The following UNC79 variants were observed in gnomAD, a reference collection of about 807,000 sequenced individuals.
UNC79 encodes the protein unc-79 subunit of NALCN channel complex.
UNC79 carries 37 observed loss-of-function variants against 283.1 expected under a neutral mutation model. That is an observed-to-expected ratio of 0.13 (90% CI 0.10 to 0.17). The LOEUF (loss-of-function observed/expected upper bound fraction) is 0.17. UNC79 is among the 10% of genes least tolerant of loss of function. UNC79 has a pLI of 1.00. For synonymous variants in UNC79, 1,107 were observed against 1,200.2 expected (o/e 0.92, Z 1.61); for missense variants, 2,272 against 3,211.1 (o/e 0.71, Z 7.07).
In UNC79 at chr14:93,696,894, T is replaced by G. The variant is rs188942028; in HGVS notation, c.7548+2482T>G. Among the ~76,000 whole-genome samples, 111 of 152,348 alleles carry G rather than the reference T, an allele frequency of 7.3e-4. 1 individual carries two copies. The highest frequency in any genetic ancestry group is 2.6e-3 in the African/African-American group (107 of 41,588). On this transcript the variant is annotated intron_variant, in intron 47 of 48. Transcript: ENST00000555664. The stretch of plus-strand genomic sequence containing the variant: ...TGTTTTATTCTAAGTGTTATCTATG[T>G]TTTCACTTGGGTGTTAGTTTACATC...
rs779316871 is a variant in UNC79, at chr14:93,690,336, C to T, written c.7272+33C>T. On this transcript the variant is annotated intron_variant, in intron 45 of 48. Coordinates refer to ENST00000555664, the Ensembl canonical transcript of UNC79. This position sits in a 1 kb window ranked among gnomAD's most constrained non-coding sequence, Gnocchi z 4.3. ...ATTTCTGCAAGATTAAGACCGTATG[C>T]ATCGCAATTGCTAATGGAAACCTTA... The T allele has an allele frequency of 6.3e-7, 1 of 1,588,546 alleles. No homozygotes were observed. The highest frequency in any genetic ancestry group is 8.6e-7 in the Non-Finnish European group (1 of 1,165,206).
At chr14:93,389,862 A>G (rs373087949) in intron 1 of UNC79, among the ~76,000 whole-genome samples, 1 of 152,178 alleles carries the variant, frequency 6.6e-6, no homozygotes, top group Admixed American at 6.5e-5. Context: ...CATGTTGGCC[A>G]GGCTGGTCTT....
At chr14:93,411,777 A>C (rs938919250) in intron 1 of UNC79, among the ~76,000 whole-genome samples, 3 of 152,236 alleles carry the variant, frequency 2.0e-5, no homozygotes, top group Non-Finnish European at 4.4e-5. Flanking sequence ...AGATCACAAC[A>C]CTCAAGTCCT....
intron 1 of UNC79, among the ~76,000 whole-genome samples, chr14:93,367,180 CAAAAAT>C (rs926637325): frequency 2.0e-5 from 3 of 151,628 alleles, no homozygotes; most frequent in African/African-American, 4.9e-5. Context: ...ACATAGGAAG[CAAAAAT>C]AAAAATAATA....
chr14:93,392,401 A>C (rs1049887146), intron 1 of UNC79, among the ~76,000 whole-genome samples: 1 of 152,226 alleles, frequency 6.6e-6, no homozygotes, highest in African/African-American at 2.4e-5. Context: ...AGGGATACAT[A>C]CTTATGGGAA....
At chr14:93,483,520 CT>C (rs10712787) in intron 4 of UNC79, among the ~76,000 whole-genome samples, 46,397 of 140,252 alleles carry the variant, frequency 0.33, 7,357 homozygotes, top group East Asian at 0.65. Flanking sequence ...ACCTGTCTGT[CT>C]TTTTTTTTTT....
intron 46 of UNC79, 43 bp from the exon 50 acceptor site, chr14:93,694,292 A>G (rs746876508): frequency 3.0e-5 from 47 of 1,587,098 alleles, no homozygotes; most frequent in Admixed American, 2.0e-4. Context: ...CAAGGTTTCT[A>G]TATCACTGGA....
intron 1 of UNC79, among the ~76,000 whole-genome samples, chr14:93,450,918 T>C (rs2056617259): frequency 6.6e-6 from 1 of 152,176 alleles, no homozygotes; most frequent in South Asian, 2.1e-4. Context: ...CCTGAATTTG[T>C]CATTTCTCTT....
At chr14:93,682,569 A>G (rs1391471629) in intron 41 of UNC79, 48 bp from the exon 45 acceptor site, 1 of 1,475,024 alleles carries the variant, frequency 6.8e-7, no homozygotes, top group Non-Finnish European at 9.4e-7. Flanking sequence ...ATTACTTATT[A>G]ATGTCCAGAT....
At chr14:93,657,949 T>C (rs1339078837) in intron 38 of UNC79, among the ~76,000 whole-genome samples, 3 of 152,164 alleles carry the variant, frequency 2.0e-5, no homozygotes, top group Non-Finnish European at 4.4e-5. Context: ...TCCTTTTTTT[T>C]CCCAAGAGAA....
chr14:93,517,315 C>A (rs1182518455), intron 7 of UNC79, among the ~76,000 whole-genome samples: 2 of 109,854 alleles, frequency 1.8e-5, no homozygotes, highest in Non-Finnish European at 3.5e-5. Context: ...TTTTTTCTTT[C>A]TATCCTTCTC....
chr14:93,481,007 C>T (rs1014704826), intron 4 of UNC79, among the ~76,000 whole-genome samples: 4 of 152,126 alleles, frequency 2.6e-5, no homozygotes, highest in African/African-American at 4.8e-5. Flanking sequence ...AAGTTCTGAT[C>T]TTTGAAGTGG....
intron 1 of UNC79, among the ~76,000 whole-genome samples, chr14:93,392,056 G>A (rs1317706332): frequency 6.6e-6 from 1 of 152,164 alleles, no homozygotes; most frequent in Non-Finnish European, 1.5e-5. Context: ...GCAGTCCTGT[G>A]ACCATCAGTT....
chr14:93,383,486 G>A (rs541830881), intron 1 of UNC79, among the ~76,000 whole-genome samples: 13 of 152,236 alleles, frequency 8.5e-5, no homozygotes, highest in Admixed American at 5.9e-4. Context: ...GTAGGTTTAC[G>A]CTATGCGATA....
chr14:93,624,927 C>A (rs767804458), intron 30 of UNC79, among the ~76,000 whole-genome samples: 15 of 152,192 alleles, frequency 9.9e-5, no homozygotes, highest in Non-Finnish European at 1.8e-4. Flanking sequence ...CAGGACTAAC[C>A]TCACTGTGCA....
intron 12 of UNC79, 63 bp from the exon 13 acceptor site, chr14:93,540,597 T>C: frequency 6.4e-7 from 1 of 1,561,026 alleles, no homozygotes; most frequent in East Asian, 2.2e-5. Context: ...TTCCTCTGAA[T>C]GGGTCATGAT....
intron 4 of UNC79, among the ~76,000 whole-genome samples, chr14:93,485,422 C>G (rs988748910): frequency 4.0e-5 from 6 of 151,858 alleles, no homozygotes; most frequent in African/African-American, 1.5e-4. Context: ...TGGTCCAAAG[C>G]CAGCTTGCAT....
chr14:93,632,838 G>A (rs2068149796), intron 31 of UNC79, among the ~76,000 whole-genome samples: 1 of 151,984 alleles, frequency 6.6e-6, no homozygotes, highest in Non-Finnish European at 1.5e-5. Flanking sequence ...AGTCATGATT[G>A]ATCTAGACTT....
chr14:93,379,162 T>C (rs1263078786), intron 1 of UNC79, among the ~76,000 whole-genome samples: 10 of 152,146 alleles, frequency 6.6e-5, no homozygotes, highest in African/African-American at 2.4e-4. Context: ...TACTTGGGCT[T>C]CTGTTTGTGA....
Sources: allele counts gnomAD v4.1 joint callset (sites outside exome capture counted in the v4.1 genomes callset), GRCh38; gene constraint gnomAD v4.1.1; non-coding constraint Gnocchi (gnomAD v3.1); transcripts MANE v1.5; gene names NCBI Gene and HGNC (gene_info 2026-07-23, HGNC 2026-07-21).